Variants in SLC22A2 observed in about 807,000 individuals in gnomAD.
The protein encoded by SLC22A2 is organic cation transporter 2.
In SLC22A2, 46 loss-of-function variants were observed where a neutral mutation model predicts 60.5. That is an observed-to-expected ratio of 0.76 (90% CI 0.60 to 0.97). The LOEUF (loss-of-function observed/expected upper bound fraction) is 0.97. Among genes scored for constraint, SLC22A2 ranks in the 50% least tolerant of loss-of-function variants. The pLI is 0.00. For synonymous variants in SLC22A2, 303 were observed against 267.0 expected (o/e 1.13, Z -1.31); for missense variants, 701 against 706.6 (o/e 0.99, Z 0.09).
At position 160,241,557 on chromosome 6, in the gene SLC22A2, A is replaced by G. The variant is rs1192091482; in HGVS notation, c.1418T>C (p.Met473Thr). ...RNLGVHICSS[M>T]CDIGGIITPF... ...CGTGATGATGCCACCAATGTCACAC[A>G]TTGAGGAACAGATGTGGACGCCAAG... Residue 473 changes from methionine (M) to threonine (T), a missense_variant, in exon 9 of 11, where the codon ATG (methionine) becomes ACG (threonine). Physicochemically the swap from Met to Thr is moderately conservative, Grantham distance 81. Transcript: ENST00000366953. 1.2e-6 allele frequency: 2 copies of G among 1,613,500 alleles called. No individual in the cohort carries two copies. The highest frequency in any genetic ancestry group is 1.1e-5 in the South Asian group (1 of 91,058).
In SLC22A2 at chr6:160,249,292, C is replaced by A. The variant is rs762141195; in HGVS notation, c.766G>T (p.Ala256Ser). The A allele has an allele frequency of 1.2e-6, 2 of 1,613,144 alleles. No homozygotes were observed. The highest frequency in any genetic ancestry group is 2.7e-5 in the African/African-American group (2 of 74,908). ...TVGLLVLAGV[A>S]YALPHWRWLQ... ...CACCTCCAGTGAGGAAGTGCGTAAG[C>A]CACCCCAGCTAGCACCAGGAGCCCA... Residue 256 changes from alanine to serine, a missense_variant, in exon 4 of 11, where the codon GCT (alanine) becomes TCT (serine). Transcript: ENST00000366953.
chr6:160,242,604 CT>C (rs1381676400), intron 7 of SLC22A2, among the ~76,000 whole-genome samples: 1 of 107,168 alleles, frequency 9.3e-6, no homozygotes, highest in African/African-American at 2.8e-5. Flanking sequence ...CTAATTCTCT[CT>C]TTTTTAAAAA....
At chr6:160,229,284 A>T (rs956924818) in intron 9 of SLC22A2, among the ~76,000 whole-genome samples, 1 of 151,638 alleles carries the variant, frequency 6.6e-6, no homozygotes, top group Non-Finnish European at 1.5e-5. Context: ...CCACACTTCA[A>T]TCTCTCCCTT....
chr6:160,241,797 T>C (rs1783007279), intron 8 of SLC22A2, among the ~76,000 whole-genome samples: 1 of 100,826 alleles, frequency 9.9e-6, no homozygotes, highest in Non-Finnish European at 2.2e-5. Flanking sequence ...CAGAAACCTA[T>C]TGAAATAAAA....
intron 2 of SLC22A2, among the ~76,000 whole-genome samples, chr6:160,251,858 A>G (rs570041649): frequency 6.6e-6 from 1 of 152,382 alleles, no homozygotes; most frequent in African/African-American, 2.4e-5. Flanking sequence ...ATTTTGGAAG[A>G]GTAATATTTT....
chr6:160,243,358 T>C (rs1414372151), intron 7 of SLC22A2, among the ~76,000 whole-genome samples: 2 of 152,010 alleles, frequency 1.3e-5, no homozygotes, highest in Non-Finnish European at 1.5e-5. Context: ...AAAGTCTCTC[T>C]TGTTACATCA....
At chr6:160,257,986 G>A (rs970357902) in intron 1 of SLC22A2, 7 of 224,416 alleles carry the variant, frequency 3.1e-5, no homozygotes, top group Admixed American at 1.6e-4. Flanking sequence ...GGGCATCTGC[G>A]GGATGGAGGA....
intron 1 of SLC22A2, among the ~76,000 whole-genome samples, chr6:160,257,360 G>A (rs1019257921): frequency 5.9e-5 from 9 of 152,216 alleles, no homozygotes; most frequent in African/African-American, 1.4e-4. Context: ...GGAGGTGGTC[G>A]GGTGGAGCAG....
intron 3 of SLC22A2, 71 bp downstream of exon 3, chr6:160,250,477 G>A (rs373153590): frequency 2.1e-5 from 31 of 1,466,468 alleles, no homozygotes; most frequent in African/African-American, 9.7e-5. Flanking sequence ...CTTGCATGCC[G>A]CCCCCCACCT....
At chr6:160,253,085 A>T (rs1783213821) in intron 2 of SLC22A2, among the ~76,000 whole-genome samples, 1 of 152,186 alleles carries the variant, frequency 6.6e-6, no homozygotes, top group African/African-American at 2.4e-5. Context: ...GGCTTTGCCC[A>T]GGAAAGAATT....
At chr6:160,235,929 G>A (rs1197715995) in intron 9 of SLC22A2, among the ~76,000 whole-genome samples, 1 of 152,060 alleles carries the variant, frequency 6.6e-6, no homozygotes, top group Non-Finnish European at 1.5e-5. Flanking sequence ...ATACATTAAT[G>A]GTATGTGTTC....
At chr6:160,233,403 C>G (rs900219130) in intron 9 of SLC22A2, among the ~76,000 whole-genome samples, 1 of 151,776 alleles carries the variant, frequency 6.6e-6, no homozygotes, top group Admixed American at 6.6e-5. Flanking sequence ...CCTTCATACC[C>G]CTTATCATCC....
Position 160,258,334 on chromosome 6 carries a change from ACTCTC to A in SLC22A2, c.414+5_414+9del, listed in dbSNP as rs1323595894. On this transcript the variant is annotated splice_donor_5th_base_variant and intron_variant, in intron 1 of 10. Transcript: ENST00000366953. The stretch of plus-strand genomic sequence containing the variant: ...GCTTCTCCATCTGAGCCCTGAGCTC[ACTCTC>A]TTACCTCGGTGACGATGGACGAGCC... 1.9e-6 allele frequency: 3 copies of A among 1,591,154 alleles called. No individual in the cohort carries two copies. In the East Asian group the frequency reaches 6.7e-5, roughly 36 times the overall value.
Position 160,258,559 on chromosome 6 carries a change from G to A in SLC22A2, c.199C>T (p.Pro67Ser), listed in dbSNP as rs767622094. The change falls in exon 1 of 11, where the codon CCT becomes TCT. Residue 67 changes from proline (P) to serine (S), a missense_variant. Transcript: ENST00000366953. ...ACCGTGTAGTTCAGTTCCTCTGCAG[G>A]ACTCCAGCCGCAGCGCAGACTCAGC... is the stretch of plus-strand genomic sequence containing the variant. ...AELSLRCGWS[P>S]AEELNYTVPG... 2 of 1,613,860 alleles carry A rather than the reference G, an allele frequency of 1.2e-6. No individual in the cohort carries two copies. Among genetic ancestry groups the A allele is most frequent in the South Asian group, 2.2e-5 (2 of 91,054 alleles).
rs1049671629 is a variant in SLC22A2, at chr6:160,258,402, A to C, written c.356T>G (p.Leu119Arg). ...CACCCAGCCGTCCCGGCAGGGGCCC[A>C]GTGGCAGGCGGCTCCTGTTGGTGTC... The part of the protein sequence containing the change: ...SLDTNRSRLP[L>R]GPCRDGWVYE... Residue 119 changes from leucine (L) to arginine (R), a missense_variant, in exon 1 of 11, where the codon CTG (leucine) becomes CGG (arginine). Transcript: ENST00000366953. The C allele has an allele frequency of 9.9e-6, 16 of 1,613,740 alleles. No individual in the cohort carries two copies. In the East Asian group the frequency reaches 3.6e-4, roughly 36 times the overall value.
Position 160,217,375 on chromosome 6 carries a change from A to T in SLC22A2, c.*57T>A. The T allele has an allele frequency of 8.9e-7, 1 of 1,117,372 alleles. No homozygotes were observed. Among genetic ancestry groups the T allele is most frequent in the Non-Finnish European group, 1.4e-6 (1 of 740,190 alleles). 69.2% of individuals were successfully genotyped at this position (1,117,372 alleles called of 1,614,324 possible). On this transcript the variant is annotated 3_prime_UTR_variant, in exon 11 of 11. Coordinates refer to ENST00000366953, the MANE Select transcript of SLC22A2 (RefSeq NM_003058.4). Reference sequence around the variant, plus strand: ...CTTTGTGATGAGTGCAGGGATTTCTACTTTTGGTCTTGCTGCCATCAAAGC... The same window carrying T: ...CTTTGTGATGAGTGCAGGGATTTCTTCTTTTGGTCTTGCTGCCATCAAAGC...
At position 160,216,761 on chromosome 6, in the gene SLC22A2, T is replaced by C. The variant is rs1782542771; in HGVS notation, c.*671A>G. On this transcript the variant is annotated 3_prime_UTR_variant, in exon 11 of 11. Coordinates refer to ENST00000366953, the MANE Select transcript of SLC22A2 (RefSeq NM_003058.4). ...ACTAAAAAATGATCATCAATGGTTT[T>C]ATAATGCTAACATTTTTTATTGAAC... The C allele has an allele frequency of 6.6e-6, 1 of 152,150 alleles. No homozygotes were observed. Among genetic ancestry groups the C allele is most frequent in the Non-Finnish European group, 1.5e-5 (1 of 68,030 alleles). 9.4% of individuals were successfully genotyped at this position (152,150 alleles called of 1,614,324 possible). A position where few individuals can be genotyped will look rare whatever the true frequency, so the allele number is the denominator to read the frequency against.
intron 1 of SLC22A2, among the ~76,000 whole-genome samples, chr6:160,257,362 G>A (rs570578572): frequency 6.6e-6 from 1 of 152,270 alleles, no homozygotes; most frequent in Admixed American, 6.5e-5. Flanking sequence ...AGGTGGTCGG[G>A]TGGAGCAGGT....
chr6:160,222,992 C>T (rs779959032), intron 10 of SLC22A2, among the ~76,000 whole-genome samples: 2 of 152,140 alleles, frequency 1.3e-5, no homozygotes, highest in African/African-American at 4.8e-5. Context: ...GATTCAAAGG[C>T]CTCTTCCAAC....
Sources: allele counts gnomAD v4.1 joint callset (sites outside exome capture counted in the v4.1 genomes callset), GRCh38; gene constraint gnomAD v4.1.1; transcripts MANE v1.5; gene names NCBI Gene and HGNC (gene_info 2026-07-23, HGNC 2026-07-21).